The following CASR variants were observed in gnomAD, a reference collection of about 807,000 sequenced individuals.
CASR encodes extracellular calcium-sensing receptor.
Under a neutral mutation model 69.1 loss-of-function variants are expected in CASR, and 23 were observed. That is an observed-to-expected ratio of 0.33 (90% confidence interval 0.24 to 0.47). The LOEUF is 0.47. CASR is among the 20% of genes least tolerant of loss of function. The pLI is 1.00. For missense variants in CASR, 924 were observed against 1,356.1 expected (o/e 0.68, Z 5.00); for synonymous variants, 541 against 544.7 (o/e 0.99, Z 0.10).
rs1405044502 is a variant in CASR at position 122,290,741 on chromosome 3, T to A, written c.*5550T>A. 2 of 152,120 alleles carry A rather than the reference T, an allele frequency of 1.3e-5. No homozygotes were observed. Among genetic ancestry groups the A allele is most frequent in the African/African-American group, 2.4e-5 (1 of 41,420 alleles). The allele number at this position is 152,120 out of a possible 1,614,324, so 9.4% of individuals were successfully genotyped here. A position where few individuals can be genotyped will look rare whatever the true frequency, so the allele number is the denominator to read the frequency against. On this transcript the variant is annotated 3_prime_UTR_variant, in exon 7 of 7. Coordinates refer to ENST00000639785, the MANE Select transcript of CASR (RefSeq NM_000388.4). ...AAATTTTTCTTTATTCTTTTTTTTT[T>A]ATTATACTTTAAGTTTTAGGGTACA...
At chr3:122,272,137 G>T (rs1372125045) in intron 4 of CASR, among the ~76,000 whole-genome samples, 1 of 150,872 alleles carries the variant, frequency 6.6e-6, no homozygotes, top group Non-Finnish European at 1.5e-5. Flanking sequence ...GAGTAGGATT[G>T]TTGGGTCAAA....
intron 1 of CASR, among the ~76,000 whole-genome samples, chr3:122,227,496 A>G (rs1373599773): frequency 6.6e-6 from 1 of 152,134 alleles, no homozygotes; most frequent in Non-Finnish European, 1.5e-5. Context: ...GCCCACAGTC[A>G]CCCAGAACTT....
chr3:122,228,561 A>C (rs1039780184), intron 1 of CASR, among the ~76,000 whole-genome samples: 2 of 152,222 alleles, frequency 1.3e-5, no homozygotes, highest in African/African-American at 4.8e-5. Context: ...TTTCAGCTAC[A>C]TAGACCCATC....
At chr3:122,242,533 CA>C (rs961870000) in intron 1 of CASR, among the ~76,000 whole-genome samples, 2 of 151,772 alleles carry the variant, frequency 1.3e-5, no homozygotes, top group African/African-American at 4.8e-5. Context: ...GCAGAGGACA[CA>C]AAAAAGGAAA....
chr3:122,262,243 G>A lies in CASR; in HGVS notation c.1208G>A (p.Ser403Asn). 2 of 1,614,204 alleles carry A rather than the reference G, an allele frequency of 1.2e-6. No individual in the cohort carries two copies. Among genetic ancestry groups the A allele is most frequent in the Non-Finnish European group, 1.7e-6 (2 of 1,180,012 alleles). Residue 403 changes from serine (S) to asparagine (N), a missense_variant, in exon 4 of 7, where the codon AGT becomes AAT. Physicochemically the swap from Ser to Asn is conservative, Grantham distance 46 (BLOSUM62 1). Transcript: ENST00000639785. The stretch of plus-strand genomic sequence containing the variant: ...TGTACAGGGGATGAGAACATCAGCA[G>A]TGTCGAGACCCCTTACATAGATTAC... ...PLCTGDENIS[S>N]VETPYIDYTH...
rs1576880841 is a variant in CASR, at chr3:122,287,902, A to G, written c.*2711A>G. Reference sequence around the variant, plus strand: ...TACACAGAGCTTATGGAGGCTAACAAAGCTTCCAGGGTACCAGAGAAGAAA... The same window carrying G: ...TACACAGAGCTTATGGAGGCTAACAGAGCTTCCAGGGTACCAGAGAAGAAA... On this transcript the variant is annotated 3_prime_UTR_variant, in exon 7 of 7. Transcript: ENST00000639785. 1.3e-5 allele frequency: 2 copies of G among 152,286 alleles called. No homozygotes were observed. Among genetic ancestry groups the G allele is most frequent in the East Asian group, 3.9e-4 (2 of 5,180 alleles). 9.4% of individuals were successfully genotyped at this position (152,286 alleles called of 1,614,324 possible). A position where few individuals can be genotyped will look rare whatever the true frequency, so the allele number is the denominator to read the frequency against.
intron 1 of CASR, among the ~76,000 whole-genome samples, chr3:122,238,217 G>A (rs539222422): frequency 1.1e-3 from 162 of 152,316 alleles, no homozygotes; most frequent in Non-Finnish European, 1.6e-3. Context: ...AGCAGTGGCC[G>A]TGTGGTGCAA....
chr3:122,232,901 C>T (rs939552779), intron 1 of CASR, among the ~76,000 whole-genome samples: 1 of 152,148 alleles, frequency 6.6e-6, no homozygotes, highest in Non-Finnish European at 1.5e-5. Context: ...CTTCACAGAA[C>T]ATCAACAGCA....
intron 3 of CASR, 70 bp downstream of exon 3, chr3:122,257,457 C>G: frequency 3.6e-6 from 4 of 1,119,470 alleles, no homozygotes; most frequent in Non-Finnish European, 5.4e-6. Flanking sequence ...GTGCCATGCC[C>G]AATAGCCATA....
chr3:122,214,099 C>T (rs2074093698), intron 1 of CASR, among the ~76,000 whole-genome samples: 2 of 152,186 alleles, frequency 1.3e-5, no homozygotes, highest in South Asian at 4.1e-4. Flanking sequence ...TCTCTTTGTC[C>T]TGCTAATCTC....
intron 1 of CASR, among the ~76,000 whole-genome samples, chr3:122,227,719 G>A (rs576959867): frequency 1.8e-4 from 28 of 152,222 alleles, no homozygotes; most frequent in African/African-American, 6.5e-4. Context: ...TGCGAGGGCT[G>A]CCAGCACGCT....
chr3:122,253,858 A>G (rs1418144799), intron 1 of CASR, 90 bp from the exon 2 acceptor site: 1 of 346,424 alleles, frequency 2.9e-6, no homozygotes, highest in Non-Finnish European at 5.5e-6. Flanking sequence ...GCCCCTCTAA[A>G]TGGAAATTCT....
rs773552397 is a variant in CASR, at chr3:122,284,641, G to A, written c.2687G>A (p.Arg896His). ...ACGCTGCGCCGCAGCAACGTCTCCC[G>A]CAAGCGGTCCAGCAGCCTTGGAGGC... ...RATLRRSNVS[R>H]KRSSSLGGST... is the part of the protein sequence containing the mutation. The change falls in exon 7 of 7, where the codon CGC (arginine) becomes CAC (histidine). Residue 896 changes from arginine to histidine, a missense_variant. Physicochemically the swap from Arg to His is conservative, Grantham distance 29. Coordinates refer to ENST00000639785, the MANE Select transcript of CASR (RefSeq NM_000388.4). 6 of 1,613,856 alleles carry A rather than the reference G, an allele frequency of 3.7e-6. No individual in the cohort carries two copies. In the African/African-American group the frequency reaches 5.3e-5, roughly 14 times the overall value.
At chr3:122,264,109 G>GAAAA (rs35559285) in intron 4 of CASR, among the ~76,000 whole-genome samples, 78 of 145,720 alleles carry the variant, frequency 5.4e-4, no homozygotes, top group East Asian at 5.0e-3. Context: ...GGACCTGTGA[G>GAAAA]AAAAAAAAAA....
intron 1 of CASR, among the ~76,000 whole-genome samples, chr3:122,250,295 A>C (rs1306089198): frequency 6.6e-6 from 1 of 152,160 alleles, no homozygotes; most frequent in Non-Finnish European, 1.5e-5. Flanking sequence ...GGTTTGAAGA[A>C]TATGTTAGAC....
intron 6 of CASR, 33 bp from the exon 7 acceptor site, chr3:122,283,654 C>T (rs1346725239): frequency 3.1e-6 from 5 of 1,588,300 alleles, no homozygotes; most frequent in Non-Finnish European, 4.3e-6. Context: ...CTGTGCCACA[C>T]AATAACTCAC....
chr3:122,208,797 A>G (rs771960185), intron 1 of CASR, among the ~76,000 whole-genome samples: 2 of 152,190 alleles, frequency 1.3e-5, no homozygotes, highest in Non-Finnish European at 2.9e-5. Context: ...CGTATTTTGG[A>G]ACATGCCTTC....
chr3:122,251,526 GA>G lies in CASR; in HGVS notation c.-242-2421del, dbSNP rs570331463. ...CACCCGAAGGCCTACAGTTCACCCA[GA>G]CATGCCCTGCAATTAAGGACATCTG... is the stretch of plus-strand genomic sequence containing the variant. On this transcript the variant is annotated intron_variant, in intron 1 of 6. Coordinates refer to ENST00000639785, the MANE Select transcript of CASR (RefSeq NM_000388.4). Among the ~76,000 whole-genome samples the G allele has an allele frequency of 9.8e-5, 15 of 152,326 alleles. No individual in the cohort carries two copies. The South Asian group carries it at 3.1e-3, about 32-fold the overall frequency.
Position 122,276,142 on chromosome 3 carries a change from T to C in CASR, c.1608+100T>C, listed in dbSNP as rs531889875. On this transcript the variant is annotated intron_variant, in intron 5 of 6. Transcript: ENST00000639785. ...TGGTTTCCCCACTGGACTTCCAAAA[T>C]AAAGAGTCCACTTCCCTGAACTCTC... 20 of 782,184 alleles carry C rather than the reference T, an allele frequency of 2.6e-5. No individual in the cohort carries two copies. The South Asian group carries it at 2.6e-4, about 10-fold the overall frequency. 48.5% of individuals were successfully genotyped at this position (782,184 alleles called of 1,614,324 possible). A position where few individuals can be genotyped will look rare whatever the true frequency, so the allele number is the denominator to read the frequency against.
Sources: gnomAD v4.1 joint callset for allele counts (sites outside exome capture counted in the v4.1 genomes callset) on GRCh38, gnomAD v4.1.1 for gene constraint, MANE v1.5 for transcripts, NCBI Gene and HGNC (gene_info 2026-07-23, HGNC 2026-07-21) for gene names.